NUP98: variants seen among roughly 807,000 people sequenced by gnomAD.
NUP98 encodes nuclear pore complex protein Nup98-Nup96.
A neutral mutation model predicts 191.9 loss-of-function variants in NUP98; 26 were observed. That is an observed-to-expected ratio of 0.14 (90% confidence interval 0.10 to 0.19). The LOEUF is 0.19. Ranked by LOEUF, NUP98 falls within the 10% of genes least tolerant of loss-of-function variation. NUP98 has a pLI of 1.00. For synonymous variants in NUP98, 808 were observed against 778.4 expected, an observed-to-expected ratio of 1.04 and a Z score of -0.63; for missense variants, 1,941 against 2,178.8, an observed-to-expected ratio of 0.89 and a Z score of 2.17.
intron 31 of NUP98, chr11:3,679,341 T>C (rs1302842219): frequency 4.5e-6 from 3 of 663,552 alleles, no homozygotes; most frequent in Non-Finnish European, 8.3e-6. Flanking sequence ...CTATTGCACA[T>C]ACTAGTTGGT....
chr11:3,720,681 C>T, intron 17 of NUP98, 31 bp downstream of exon 17: 1 of 1,184,378 alleles, frequency 8.4e-7, no homozygotes, highest in Non-Finnish European at 1.2e-6. Flanking sequence ...AACTCTCTGG[C>T]TTAATCACTA....
chr11:3,773,551 G>T, intron 6 of NUP98, 81 bp downstream of exon 6: 1 of 881,548 alleles, frequency 1.1e-6, no homozygotes, highest in Non-Finnish European at 1.7e-6. Flanking sequence ...CTATCCTAAA[G>T]AAAATCAAAA....
In NUP98 at chr11:3,676,752, G is replaced by A. The variant is rs927965302; in HGVS notation, c.5074-132C>T. 4 of 792,070 alleles carry A rather than the reference G, an allele frequency of 5.1e-6. No individual in the cohort carries two copies. In the East Asian group the frequency reaches 9.7e-5, roughly 19 times the overall value. 49.1% of individuals were successfully genotyped at this position (792,070 alleles called of 1,614,324 possible). On this transcript the variant is annotated intron_variant, in intron 31 of 32. Transcript: ENST00000324932. ...GGAAAATCCAAGATGATGACACAGG[G>A]CCAAGCCACCACCATCTAGTGGAGG... is the stretch of plus-strand genomic sequence containing the variant.
chr11:3,699,022 T>A, intron 25 of NUP98, 60 bp downstream of exon 25: 1 of 1,582,488 alleles, frequency 6.3e-7, no homozygotes, highest in South Asian at 1.1e-5. Flanking sequence ...CGGGGAGCGG[T>A]AGGAGGCAGT....
At chr11:3,773,816 C>A (rs1189468808) in intron 5 of NUP98, 77 bp from the exon 6 acceptor site, 3 of 844,550 alleles carry the variant, frequency 3.6e-6, no homozygotes, top group Admixed American at 2.2e-5. Flanking sequence ...TTCTCAACCA[C>A]TGAACTCTAA....
chr11:3,783,371 G>C (rs1255125562), intron 1 of NUP98, among the ~76,000 whole-genome samples: 1 of 152,144 alleles, frequency 6.6e-6, no homozygotes, highest in Non-Finnish European at 1.5e-5. Flanking sequence ...AAAGGTGATA[G>C]GGTGAGACAA....
At position 3,752,143 on chromosome 11, in the gene NUP98, C is replaced by CA. The variant is rs112322581; in HGVS notation, c.1267+1172dup. On this transcript the variant is annotated intron_variant, in intron 11 of 32. Coordinates refer to ENST00000324932, the MANE Select transcript of NUP98 (RefSeq NM_016320.5). ...TGGGGGACGGAGCAAGACTCCATCT[C>CA]AAAAAAAAAAAAGGGAAATTGAAAA... Among the ~76,000 whole-genome samples, 293 of 121,480 alleles carry CA rather than the reference C, an allele frequency of 2.4e-3. 2 individuals carry two copies. The highest frequency in any genetic ancestry group is 0.023 in the South Asian group (85 of 3,762). 79.7% of individuals were successfully genotyped at this position (121,480 alleles called of 152,430 possible).
chr11:3,685,349 GGT>G (rs1564803575), intron 29 of NUP98, among the ~76,000 whole-genome samples: 1 of 152,130 alleles, frequency 6.6e-6, no homozygotes, highest in Non-Finnish European at 1.5e-5. Flanking sequence ...GGAATGGGTC[GGT>G]GACAAGGGAT....
chr11:3,713,547 G>C (rs1053395766), intron 19 of NUP98, among the ~76,000 whole-genome samples: 2 of 152,028 alleles, frequency 1.3e-5, no homozygotes, highest in African/African-American at 2.4e-5. Flanking sequence ...TGAGAAACTC[G>C]ATCTTTACAA....
Position 3,699,099 on chromosome 11 carries a change from G to A in NUP98, c.3992C>T (p.Ser1331Phe), listed in dbSNP as rs144357388. ...LTGKRISEAC[S>F]LAQQSGDHRL... ...TTCCCCACCTGACTGCTGGGCCAGA[G>A]AGCAGGCCTCACTGATCCTTTTGCC... The change falls in exon 25 of 33, where the codon TCT (serine) becomes TTT (phenylalanine). Residue 1331 changes from serine (S) to phenylalanine (F), a missense_variant. Physicochemically the swap from Ser to Phe is radical, Grantham distance 155. Coordinates refer to ENST00000324932, the MANE Select transcript of NUP98 (RefSeq NM_016320.5). The A allele has an allele frequency of 5.4e-5, 87 of 1,612,656 alleles. No individual in the cohort carries two copies. The African/African-American group carries it at 9.7e-4, about 18-fold the overall frequency.
chr11:3,721,866 T>C (rs1198006053), intron 16 of NUP98, among the ~76,000 whole-genome samples: 2 of 152,184 alleles, frequency 1.3e-5, no homozygotes, highest in Non-Finnish European at 2.9e-5. Context: ...TGTAGTCAGA[T>C]ATAAGGCTAA....
Position 3,782,008 on chromosome 11 carries a change from G to A in NUP98, c.76+34C>T. 6.1e-6 allele frequency: 9 copies of A among 1,465,914 alleles called. 1 individual carries two copies. The highest frequency in any genetic ancestry group is 8.6e-6 in the Non-Finnish European group (9 of 1,051,322). 90.8% of individuals were successfully genotyped at this position (1,465,914 alleles called of 1,614,324 possible). ...TTTGTTCTTAGTAAGGGAGATTAAG[G>A]TTTCTCCCTCTTTTGTCCTTTTTAA... On this transcript the variant is annotated intron_variant, in intron 2 of 32. Transcript: ENST00000324932.
At chr11:3,738,776 CAAAAAAAAAAA>C (rs58460963) in intron 12 of NUP98, among the ~76,000 whole-genome samples, 5 of 67,242 alleles carry the variant, frequency 7.4e-5, no homozygotes, top group East Asian at 4.6e-4. Context: ...AGACTCCTCT[CAAAAAAAAAAA>C]AAAAAAAAAA....
At chr11:3,751,612 A>G (rs2080757750) in intron 11 of NUP98, among the ~76,000 whole-genome samples, 1 of 152,106 alleles carries the variant, frequency 6.6e-6, no homozygotes, top group Non-Finnish European at 1.5e-5. Context: ...TATTCCCAGC[A>G]CTTTAAGAGC....
intron 11 of NUP98, among the ~76,000 whole-genome samples, chr11:3,748,047 G>A (rs1215410369): frequency 6.6e-6 from 1 of 152,198 alleles, no homozygotes; most frequent in Non-Finnish European, 1.5e-5. Context: ...GGAGAGGCAT[G>A]TATAAGGAAT....
chr11:3,678,959 T>G (rs1308557403), intron 31 of NUP98, among the ~76,000 whole-genome samples: 1 of 151,830 alleles, frequency 6.6e-6, no homozygotes, highest in Non-Finnish European at 1.5e-5. Context: ...CTATCTCTAC[T>G]AAAAATACAA....
chr11:3,768,849 G>T, intron 7 of NUP98, 105 bp from the exon 8 acceptor site: 2 of 798,226 alleles, frequency 2.5e-6, no homozygotes, highest in East Asian at 2.8e-5. Flanking sequence ...TAGTCTTTAT[G>T]TTATCTACTA....
chr11:3,775,770 G>T, intron 5 of NUP98, 112 bp downstream of exon 5: 1 of 961,498 alleles, frequency 1.0e-6, no homozygotes, highest in Non-Finnish European at 1.6e-6. Flanking sequence ...TTAACACATC[G>T]TTCAGGCAGT....
chr11:3,724,566 C>A (rs1000521515), intron 15 of NUP98, among the ~76,000 whole-genome samples: 3 of 151,550 alleles, frequency 2.0e-5, no homozygotes, highest in Non-Finnish European at 4.4e-5. Context: ...CCAAGGCGGG[C>A]AGATCACTTG....
Sources: allele counts gnomAD v4.1 joint callset (sites outside exome capture counted in the v4.1 genomes callset), GRCh38; gene constraint gnomAD v4.1.1; transcripts MANE v1.5; gene names NCBI Gene and HGNC (gene_info 2026-07-23, HGNC 2026-07-21).